Variants in USP48 observed in about 807,000 individuals in gnomAD.
USP48 encodes ubiquitin carboxyl-terminal hydrolase 48.
A neutral mutation model predicts 150.7 loss-of-function variants in USP48; 43 were observed. That is an observed-to-expected ratio of 0.29 (90% CI 0.22 to 0.37). The LOEUF (loss-of-function observed/expected upper bound fraction) is 0.37. Ranked by LOEUF, USP48 falls within the 10% of genes least tolerant of loss-of-function variation. The pLI is 1.00. For missense variants in USP48, 813 were observed against 1,249.6 expected (o/e 0.65, Z 5.27); for synonymous variants, 396 against 425.9 (o/e 0.93, Z 0.86).
intron 1 of USP48, chr1:21,768,299 G>C: frequency 5.9e-6 from 1 of 170,422 alleles, no homozygotes; most frequent in Admixed American, 5.9e-5. Flanking sequence ...TACAGAGACT[G>C]AGCAGTGCAT....
intron 21 of USP48, among the ~76,000 whole-genome samples, chr1:21,702,333 T>C (rs2097659453): frequency 6.6e-6 from 1 of 152,112 alleles, no homozygotes; most frequent in South Asian, 2.1e-4. Flanking sequence ...CCAGAAAGCA[T>C]GGAATTAAAT....
At chr1:21,696,220 C>A (rs2097629561) in intron 22 of USP48, among the ~76,000 whole-genome samples, 1 of 152,112 alleles carries the variant, frequency 6.6e-6, no homozygotes, top group South Asian at 2.1e-4. Flanking sequence ...GGGCAGATCA[C>A]CTGAGGTCAG....
intron 13 of USP48, among the ~76,000 whole-genome samples, 164 bp downstream of exon 13, chr1:21,721,486 G>T (rs561192766): frequency 1.3e-5 from 2 of 152,262 alleles, no homozygotes; most frequent in East Asian, 1.9e-4. Flanking sequence ...TTGCCACAGG[G>T]GCAGTCATTG....
At chr1:21,746,662 G>A (rs998228741) in intron 8 of USP48, among the ~76,000 whole-genome samples, 2 of 152,178 alleles carry the variant, frequency 1.3e-5, no homozygotes, top group African/African-American at 4.8e-5. Flanking sequence ...ATAAATACTG[G>A]AATTATGCCA....
chr1:21,753,941 T>C (rs1436605021), intron 3 of USP48, among the ~76,000 whole-genome samples: 2 of 147,706 alleles, frequency 1.4e-5, no homozygotes, highest in Non-Finnish European at 3.0e-5. Flanking sequence ...GGCTGGCGGA[T>C]CACAAGGTCG....
Position 21,782,959 on chromosome 1 carries a change from G to A in USP48, c.-2C>T, listed in dbSNP as rs919578991. On this transcript the variant is annotated 5_prime_UTR_variant, in exon 1 of 27. Transcript: ENST00000308271. Reference sequence around the variant, plus strand: ...CTCCAGCTGCAGCCGCGGGGCCATGGCCTTGGCCCCAGGAACGCCTCCCGA... The same window carrying A: ...CTCCAGCTGCAGCCGCGGGGCCATGACCTTGGCCCCAGGAACGCCTCCCGA... 2.0e-6 allele frequency: 3 copies of A among 1,536,428 alleles called. No homozygotes were observed. Among genetic ancestry groups the A allele is most frequent in the African/African-American group, 2.8e-5 (2 of 70,964 alleles).
chr1:21,758,163 G>T, intron 1 of USP48, among the ~76,000 whole-genome samples: 1 of 142,616 alleles, frequency 7.0e-6, no homozygotes, highest in Admixed American at 7.3e-5. Context: ...CATCTATATG[G>T]CAGAGTACTA....
chr1:21,736,057 A>G (rs2097768227), intron 9 of USP48, among the ~76,000 whole-genome samples: 1 of 152,110 alleles, frequency 6.6e-6, no homozygotes, highest in African/African-American at 2.4e-5. Context: ...CCTTAGTGAC[A>G]GAGTAAGACT....
intron 22 of USP48, 23 bp downstream of exon 22, chr1:21,701,475 T>C: frequency 1.2e-6 from 2 of 1,603,762 alleles, no homozygotes. Flanking sequence ...AGTATAACAA[T>C]GAAAAGCAGC....
At chr1:21,693,994 T>A (rs1285988388) in intron 23 of USP48, among the ~76,000 whole-genome samples, 1 of 152,222 alleles carries the variant, frequency 6.6e-6, no homozygotes, top group Admixed American at 6.5e-5. Context: ...TTTTTGGATA[T>A]CTATCAGTGA....
chr1:21,685,324 C>CT (rs1441914991), intron 25 of USP48, among the ~76,000 whole-genome samples: 1 of 143,368 alleles, frequency 7.0e-6, no homozygotes, highest in East Asian at 2.1e-4. Context: ...GAATTGCTTT[C>CT]TTTTCTTTTT....
intron 8 of USP48, among the ~76,000 whole-genome samples, chr1:21,743,685 T>C (rs2097787190): frequency 6.6e-6 from 1 of 152,186 alleles, no homozygotes; most frequent in Admixed American, 6.5e-5. Context: ...TGGTTTTAAC[T>C]GTGCAACTGG....
Position 21,753,083 on chromosome 1 carries a change from T to C in USP48, c.449A>G (p.Tyr150Cys). The change falls in exon 4 of 27, where the codon TAC becomes TGC. Residue 150 changes from tyrosine (Y) to cysteine (C), a missense_variant. By Grantham distance (194) the Tyr-to-Cys change is radical (BLOSUM62 -2). Coordinates refer to ENST00000308271, the MANE Select transcript of USP48 (RefSeq NM_032236.8). ...EPQTICEHLQ[Y>C]LFALLQNSNR... ...ACTGTTTTGCAACAAGGCAAACAAG[T>C]ACTGGAGATGCTCACAAATTGTTTG... 2.5e-6 allele frequency: 4 copies of C among 1,611,158 alleles called. No individual in the cohort carries two copies. Among genetic ancestry groups the C allele is most frequent in the Non-Finnish European group, 3.4e-6 (4 of 1,179,276 alleles).
At position 21,687,073 on chromosome 1, in the gene USP48, T is replaced by C. The variant is rs192412526; in HGVS notation, c.3058+118A>G. 6.8e-5 allele frequency: 62 copies of C among 909,770 alleles called. No homozygotes were observed. The East Asian group carries it at 1.5e-3, about 22-fold the overall frequency. The allele number at this position is 909,770 out of a possible 1,614,324, so 56.4% of individuals were successfully genotyped here. On this transcript the variant is annotated intron_variant, in intron 25 of 26. Coordinates refer to ENST00000308271, the MANE Select transcript of USP48 (RefSeq NM_032236.8). ...GATAATGTATTCTACTGTAACAATATGTGGAAGCTTTTTTCAAGGTTCAAA... is the reference window on the plus strand; with the variant it reads ...GATAATGTATTCTACTGTAACAATACGTGGAAGCTTTTTTCAAGGTTCAAA...
intron 2 of USP48, chr1:21,757,028 T>C: frequency 1.0e-6 from 1 of 979,200 alleles, no homozygotes; most frequent in Non-Finnish European, 1.2e-6. Flanking sequence ...GGTTTTATGT[T>C]TTCTGTATTT....
intron 21 of USP48, 125 bp from the exon 22 acceptor site, chr1:21,701,727 T>C (rs1245227330): frequency 5.3e-5 from 36 of 673,154 alleles, no homozygotes; most frequent in Non-Finnish European, 7.5e-5. Context: ...GGTGGGATTA[T>C]AGACTGGAGA....
chr1:21,731,431 T>C (rs574955763), intron 9 of USP48, among the ~76,000 whole-genome samples: 189 of 151,922 alleles, frequency 1.2e-3, no homozygotes, highest in African/African-American at 4.3e-3. Flanking sequence ...GCCAGGGTAA[T>C]TTTTGCATTT....
At chr1:21,703,460 C>A in intron 21 of USP48, 52 bp downstream of exon 21, 1 of 1,459,408 alleles carries the variant, frequency 6.9e-7, no homozygotes, top group Non-Finnish European at 9.5e-7. Context: ...GCAAATCAAG[C>A]CAAAGAGCAC....
At chr1:21,778,360 A>G (rs769817573) in intron 1 of USP48, among the ~76,000 whole-genome samples, 43 of 152,146 alleles carry the variant, frequency 2.8e-4, no homozygotes, top group Non-Finnish European at 5.0e-4. Flanking sequence ...TAGGATGGCT[A>G]AAAGAAAAAA....
Sources: allele counts gnomAD v4.1 joint callset (sites outside exome capture counted in the v4.1 genomes callset), GRCh38; gene constraint gnomAD v4.1.1; transcripts MANE v1.5; gene names NCBI Gene and HGNC (gene_info 2026-07-23, HGNC 2026-07-21).